The following GCNT2 variants were observed in gnomAD, a reference collection of about 807,000 sequenced individuals.
GCNT2 encodes the protein glucosaminyl (N-acetyl) transferase 2 (I blood group), also known as N-acetyllactosaminide beta-1,6-N-acetylglucosaminyl-transferase.
GCNT2 carries 34 observed loss-of-function variants against 34.2 expected under a neutral mutation model. The observed-to-expected ratio is 1.00, with a 90% confidence interval of 0.76 to 1.32. The LOEUF is 1.32. Ranked by LOEUF, GCNT2 falls within the 40% of genes most tolerant of loss-of-function variation. The pLI, the probability that GCNT2 is intolerant of heterozygous loss-of-function variation, is 0.00. For synonymous variants in GCNT2, 212 were observed against 188.0 expected, an observed-to-expected ratio of 1.13 and a Z score of -1.04; for missense variants, 584 against 489.4, an observed-to-expected ratio of 1.19 and a Z score of -1.82.
intron 3 of GCNT2, among the ~76,000 whole-genome samples, chr6:10,591,495 TAG>T (rs1581456588): frequency 6.6e-6 from 1 of 152,298 alleles, no homozygotes; most frequent in African/African-American, 2.4e-5. Flanking sequence ...GTTAATGGGA[TAG>T]AGTCTTTCCT....
intron 4 of GCNT2, chr6:10,621,682 G>A (rs1283991982): frequency 1.3e-4 from 62 of 476,100 alleles, no homozygotes; most frequent in East Asian, 4.2e-5. Context: ...AAATCAGGGC[G>A]GCATGTTTTT....
chr6:10,557,285 T>G lies in GCNT2; in HGVS notation c.925+27449T>G, dbSNP rs1328112245. 4.0e-5 allele frequency: 65 copies of G among 1,613,572 alleles called. No individual in the cohort carries two copies. The Admixed American group carries it at 1.1e-3, about 27-fold the overall frequency. ...ACGGGCTGTTGATTTGCTCCAGTGG[T>G]CCAAGGACACTTTCAGTCCTGATGA... On this transcript the variant is annotated intron_variant, in intron 3 of 4. Coordinates refer to ENST00000495262, the MANE Select transcript of GCNT2 (RefSeq NM_145649.5).
chr6:10,618,380 C>A (rs1209919712), intron 3 of GCNT2, among the ~76,000 whole-genome samples: 1 of 152,098 alleles, frequency 6.6e-6, no homozygotes, highest in Non-Finnish European at 1.5e-5. Context: ...ATAAAGACAG[C>A]AGGTAATTAA....
At chr6:10,622,664 C>G (rs1766084719) in intron 4 of GCNT2, among the ~76,000 whole-genome samples, 1 of 148,154 alleles carries the variant, frequency 6.7e-6, no homozygotes, top group African/African-American at 2.5e-5. Flanking sequence ...ACAAATGAAT[C>G]AATGAATGAA....
At chr6:10,546,569 T>G (rs531559182) in intron 3 of GCNT2, among the ~76,000 whole-genome samples, 11 of 152,100 alleles carry the variant, frequency 7.2e-5, no homozygotes, top group Non-Finnish European at 1.5e-4. Context: ...TGAGGCAGGA[T>G]AATTGCTTGA....
At position 10,595,942 on chromosome 6, in the gene GCNT2, C is replaced by T. The variant is rs377078655; in HGVS notation, c.926-25409C>T. On this transcript the variant is annotated intron_variant, in intron 3 of 4. Transcript: ENST00000495262. The stretch of plus-strand genomic sequence containing the variant: ...TTATGCAAACTCAAAGCAAAAAAAC[C>T]GAAAATGTATGACAAATCTTTGAGT... Among the ~76,000 whole-genome samples the T allele has an allele frequency of 1.2e-4, 19 of 152,232 alleles. No individual in the cohort carries two copies. The East Asian group carries it at 2.1e-3, about 17-fold the overall frequency.
intron 3 of GCNT2, among the ~76,000 whole-genome samples, chr6:10,611,419 C>T (rs1286362567): frequency 6.6e-6 from 1 of 151,968 alleles, no homozygotes; most frequent in Non-Finnish European, 1.5e-5. Context: ...AAACCTCCGC[C>T]TCCCGGATTC....
intron 4 of GCNT2, among the ~76,000 whole-genome samples, chr6:10,626,135 G>A (rs1025120949): frequency 5.3e-5 from 8 of 152,170 alleles, no homozygotes; most frequent in Admixed American, 5.2e-4. Context: ...TATTAATTTT[G>A]ATATACACAA....
intron 3 of GCNT2, chr6:10,575,348 C>T: frequency 6.2e-6 from 1 of 160,820 alleles, no homozygotes; most frequent in Non-Finnish European, 1.3e-5. Flanking sequence ...GGCCAAAAGG[C>T]TGGGTTGACA....
At chr6:10,624,328 C>T (rs1030904586) in intron 4 of GCNT2, among the ~76,000 whole-genome samples, 1 of 152,158 alleles carries the variant, frequency 6.6e-6, no homozygotes, top group Admixed American at 6.5e-5. Flanking sequence ...ACAATCCTGG[C>T]AGAGGGCAAA....
intron 3 of GCNT2, among the ~76,000 whole-genome samples, chr6:10,572,953 C>T (rs766102373): frequency 5.3e-5 from 8 of 152,106 alleles, no homozygotes; most frequent in Non-Finnish European, 1.2e-4. Context: ...GCCCTCTGCC[C>T]TAACAAACGG....
intron 3 of GCNT2, among the ~76,000 whole-genome samples, chr6:10,596,584 A>C (rs1561827647): frequency 6.6e-6 from 1 of 152,044 alleles, no homozygotes; most frequent in South Asian, 2.1e-4. Context: ...GGGAAGGAGT[A>C]TGGTACTAAG....
chr6:10,617,915 C>T (rs565029653), intron 3 of GCNT2, among the ~76,000 whole-genome samples: 86 of 152,042 alleles, frequency 5.7e-4, no homozygotes, highest in African/African-American at 1.8e-3. Context: ...CCATCACACC[C>T]GGCTAATTTT....
intron 1 of GCNT2, chr6:10,521,662 T>C (rs1235645206): frequency 6.6e-6 from 1 of 151,884 alleles, no homozygotes; most frequent in Non-Finnish European, 1.5e-5. Context: ...AGGTTTTTTT[T>C]TTTTCAAAGA....
At chr6:10,575,603 G>T (rs1176062680) in intron 3 of GCNT2, among the ~76,000 whole-genome samples, 1 of 152,136 alleles carries the variant, frequency 6.6e-6, no homozygotes, top group African/African-American at 2.4e-5. Context: ...CCTGTGACTT[G>T]CACGTATATG....
chr6:10,581,453 A>G (rs1380195908), intron 3 of GCNT2, among the ~76,000 whole-genome samples: 1 of 152,008 alleles, frequency 6.6e-6, no homozygotes, highest in Non-Finnish European at 1.5e-5. Flanking sequence ...TATTTTTAGT[A>G]GAGACAGGGT....
chr6:10,583,727 A>C (rs1383050618), intron 3 of GCNT2, among the ~76,000 whole-genome samples: 1 of 152,154 alleles, frequency 6.6e-6, no homozygotes, highest in Non-Finnish European at 1.5e-5. Context: ...GGAGAATGAG[A>C]ATCCTTTAAG....
At chr6:10,592,080 G>T (rs1056892924) in intron 3 of GCNT2, among the ~76,000 whole-genome samples, 1 of 144,842 alleles carries the variant, frequency 6.9e-6, no homozygotes, top group African/African-American at 2.5e-5. Flanking sequence ...TGATGGGGTA[G>T]AATCATGTCT....
intron 3 of GCNT2, among the ~76,000 whole-genome samples, chr6:10,616,074 G>A (rs1765745819): frequency 9.2e-5 from 14 of 152,088 alleles, no homozygotes; most frequent in Admixed American, 9.2e-4. Flanking sequence ...AAAAGCAGCG[G>A]GTCTGGAGTT....
Sources: allele counts gnomAD v4.1 joint callset (sites outside exome capture counted in the v4.1 genomes callset), GRCh38; gene constraint gnomAD v4.1.1; transcripts MANE v1.5; gene names NCBI Gene and HGNC (gene_info 2026-07-23, HGNC 2026-07-21).